Variants in ATL2 observed in about 807,000 individuals in gnomAD.
ATL2 encodes atlastin-2.
A neutral mutation model predicts 73.9 loss-of-function variants in ATL2; 31 were observed. The ratio of observed to expected loss-of-function variants is 0.42; its 90% CI spans 0.32 to 0.57. The LOEUF (loss-of-function observed/expected upper bound fraction) is 0.57, where lower values mean the gene tolerates loss of function less well. ATL2 is among the 20% of genes least tolerant of loss of function. ATL2 has a pLI of 0.14. For missense variants in ATL2, 738 were observed against 702.6 expected, an observed-to-expected ratio of 1.05 and a Z score of -0.57; for synonymous variants, 291 against 237.5, an observed-to-expected ratio of 1.23 and a Z score of -2.07.
intron 1 of ATL2, among the ~76,000 whole-genome samples, chr2:38,373,350 C>T (rs1203061422): frequency 1.3e-5 from 2 of 152,220 alleles, no homozygotes; most frequent in Non-Finnish European, 2.9e-5. Flanking sequence ...GGATATCCAG[C>T]TAGCCTCTAA....
rs1443085139 is a variant in ATL2, at chr2:38,367,605, A to G, written c.118+9538T>C. On this transcript the variant is annotated intron_variant, in intron 1 of 12. Transcript: ENST00000378954. ...GCAAGAATCCATCTCAAAAAAAAAA[A>G]AAAAAAAAAAACCGCCCATTTAAAA... Among the ~76,000 whole-genome samples, 6 of 147,320 alleles carry G rather than the reference A, an allele frequency of 4.1e-5. 1 individual carries two copies. The highest frequency in any genetic ancestry group is 1.3e-4 in the African/African-American group (5 of 39,256).
upstream of ATL2, among the ~76,000 whole-genome samples, chr2:38,378,451 C>A (rs1334149949): frequency 6.6e-6 from 1 of 152,162 alleles, no homozygotes; most frequent in East Asian, 1.9e-4. Context: ...CTTGGCCAGG[C>A]TGGTCTTGAG....
At chr2:38,363,262 T>A (rs867861529) in intron 1 of ATL2, among the ~76,000 whole-genome samples, 1 of 151,640 alleles carries the variant, frequency 6.6e-6, no homozygotes, top group Admixed American at 6.6e-5. Context: ...ATCTTTATTA[T>A]CAAATGAGCA....
intron 9 of ATL2, 164 bp from the exon 10 acceptor site, chr2:38,300,492 T>A (rs772945772): frequency 1.9e-6 from 1 of 516,652 alleles, no homozygotes; most frequent in South Asian, 3.4e-5. Flanking sequence ...ATTCTCAATA[T>A]TATTAAATTA....
rs749371764 is a variant in ATL2 at position 38,298,547 on chromosome 2, G to C, written c.1229C>G (p.Ala410Gly). The change falls in exon 12 of 13, where the codon GCA becomes GGA. Residue 410 changes from alanine (A) to glycine (G), a missense_variant. Transcript: ENST00000378954. ...GTGTTTTCGCTCCAGATCTGAAGGT[G>C]CAATGTAAGGCTTGTCCCCTCCACA... ...QVCGGDKPYIAPSDLERKHLD... is the reference protein window; with the variant it reads ...QVCGGDKPYIGPSDLERKHLD... 4.3e-6 allele frequency: 7 copies of C among 1,614,114 alleles called. No individual in the cohort carries two copies. The highest frequency in any genetic ancestry group is 5.1e-6 in the Non-Finnish European group (6 of 1,179,986).
At position 38,359,298 on chromosome 2, in the gene ATL2, T is replaced by C. The variant is rs528841962; in HGVS notation, c.119-15786A>G. Reference sequence around the variant, plus strand: ...CAGCCTGGCCAACATGGTGAAACCCTGTCTCCACTAAAAATACAAAAATTA... The same window carrying C: ...CAGCCTGGCCAACATGGTGAAACCCCGTCTCCACTAAAAATACAAAAATTA... On this transcript the variant is annotated intron_variant, in intron 1 of 12. Coordinates refer to ENST00000378954, the MANE Select transcript of ATL2 (RefSeq NM_001135673.4). Among the ~76,000 whole-genome samples the C allele has an allele frequency of 4.5e-4, 68 of 151,936 alleles. 3 individuals carry two copies. In the South Asian group the frequency reaches 7.7e-3, roughly 17 times the overall value.
intron 1 of ATL2, among the ~76,000 whole-genome samples, chr2:38,353,695 T>C (rs1387613957): frequency 6.6e-6 from 1 of 152,212 alleles, no homozygotes; most frequent in Non-Finnish European, 1.5e-5. Flanking sequence ...TTCAAGTAAT[T>C]ATTGTATAGT....
At chr2:38,369,616 T>C (rs548713151) in intron 1 of ATL2, among the ~76,000 whole-genome samples, 97 of 151,276 alleles carry the variant, frequency 6.4e-4, no homozygotes, top group Non-Finnish European at 1.0e-3. Flanking sequence ...CCAGGCATGG[T>C]GGCACACACC....
At chr2:38,369,899 C>G in intron 1 of ATL2, among the ~76,000 whole-genome samples, 1 of 151,766 alleles carries the variant, frequency 6.6e-6, no homozygotes, top group East Asian at 2.0e-4. Flanking sequence ...CGCCAGTAAT[C>G]CCAGCACTTT....
chr2:38,359,031 A>G (rs1406805048), intron 1 of ATL2, among the ~76,000 whole-genome samples: 2 of 152,236 alleles, frequency 1.3e-5, no homozygotes, highest in Non-Finnish European at 2.9e-5. Context: ...ATAAAATTAG[A>G]ACTACAATGC....
chr2:38,296,760 A>G, intron 12 of ATL2: 1 of 1,550,386 alleles, frequency 6.5e-7, no homozygotes, highest in East Asian at 2.4e-5. Context: ...GACACAGCAC[A>G]GATCTCTGAC....
At chr2:38,296,333 T>G (rs1197188439) in intron 12 of ATL2, 13 of 1,450,630 alleles carry the variant, frequency 9.0e-6, no homozygotes, top group East Asian at 2.5e-5. Flanking sequence ...ACAATTCCTA[T>G]GAGATGGATG....
chr2:38,376,569 TGCGGACTGCG>T (rs1671980213), intron 1 of ATL2: 1 of 160,086 alleles, frequency 6.2e-6, no homozygotes, highest in Admixed American at 6.4e-5. Flanking sequence ...AGCCCTGGCC[TGCGGACTGCG>T]GTTCCCTCCA....
chr2:38,337,328 AT>A (rs1432855484), intron 2 of ATL2, among the ~76,000 whole-genome samples: 1 of 151,524 alleles, frequency 6.6e-6, no homozygotes. Context: ...TCTATTAAAA[AT>A]ACAAAAATTA....
At chr2:38,366,966 T>C (rs1979085) in intron 1 of ATL2, among the ~76,000 whole-genome samples, 19,059 of 152,084 alleles carry the variant, frequency 0.13, 3,522 homozygotes, top group African/African-American at 0.41. Flanking sequence ...TTTGTGCACT[T>C]AGTACATGCC....
In ATL2 at chr2:38,299,248, G is replaced by C. The variant is rs532749682; in HGVS notation, c.1200+8C>G. 6.7e-7 allele frequency: 1 copy of C among 1,492,624 alleles called. No homozygotes were observed. Among genetic ancestry groups the C allele is most frequent in the African/African-American group, 1.5e-5 (1 of 67,092 alleles). The allele number at this position is 1,492,624 out of a possible 1,614,324, so 92.5% of individuals were successfully genotyped here. A position where few individuals can be genotyped will look rare whatever the true frequency, so the allele number is the denominator to read the frequency against. ...CTCCAGCATCAAATTTAAATTTTAG[G>C]TACAAACCTGTTCCATACTTTTACA... On this transcript the variant is annotated splice_region_variant and intron_variant, in intron 11 of 12. Coordinates refer to ENST00000378954, the MANE Select transcript of ATL2 (RefSeq NM_001135673.4).
At chr2:38,342,723 A>G (rs372704704) in intron 2 of ATL2, among the ~76,000 whole-genome samples, 1 of 152,194 alleles carries the variant, frequency 6.6e-6, no homozygotes, top group Non-Finnish European at 1.5e-5. Flanking sequence ...GAAAGAAGAT[A>G]AACAGTACTT....
intron 1 of ATL2, among the ~76,000 whole-genome samples, chr2:38,356,482 C>CA (rs1670676564): frequency 6.6e-6 from 1 of 152,126 alleles, no homozygotes; most frequent in African/African-American, 2.4e-5. Context: ...CATGAGCCAC[C>CA]ACGCCTGGCC....
At chr2:38,334,610 A>G (rs1669196648) in intron 2 of ATL2, among the ~76,000 whole-genome samples, 1 of 151,268 alleles carries the variant, frequency 6.6e-6, no homozygotes. Flanking sequence ...TGGCAGGAGA[A>G]TTGCTTGAAC....
Sources: allele counts gnomAD v4.1 joint callset (sites outside exome capture counted in the v4.1 genomes callset), GRCh38; gene constraint gnomAD v4.1.1; transcripts MANE v1.5; gene names NCBI Gene and HGNC (gene_info 2026-07-23, HGNC 2026-07-21).